Variants in PTPRD observed in about 807,000 individuals in gnomAD.
PTPRD encodes the protein protein tyrosine phosphatase receptor type D, also known as receptor-type tyrosine-protein phosphatase delta.
A neutral mutation model predicts 214.5 loss-of-function variants in PTPRD; 34 were observed. The observed-to-expected ratio is 0.16, with a 90% CI of 0.12 to 0.21. The LOEUF (loss-of-function observed/expected upper bound fraction) is 0.21, where lower values mean the gene tolerates loss of function less well. PTPRD is among the 10% of genes least tolerant of loss of function. The pLI is 1.00. For synonymous variants in PTPRD, 1,128 were observed against 845.7 expected, an observed-to-expected ratio of 1.33 and a Z score of -5.79; for missense variants, 2,545 against 2,398.7, an observed-to-expected ratio of 1.06 and a Z score of -1.27.
chr9:9,092,121 C>T (rs575015465), intron 10 of PTPRD, among the ~76,000 whole-genome samples: 26 of 152,280 alleles, frequency 1.7e-4, no homozygotes, highest in African/African-American at 5.5e-4. Flanking sequence ...ACACTAGGCT[C>T]ACTATTGTTA....
intron 10 of PTPRD, among the ~76,000 whole-genome samples, chr9:9,145,193 T>C (rs578141405): frequency 6.6e-6 from 1 of 152,332 alleles, no homozygotes; most frequent in Middle Eastern, 3.4e-3. Flanking sequence ...TGTGAATCAC[T>C]TTCTAATTTA....
chr9:8,888,752 G>A (rs1351580569), intron 11 of PTPRD, among the ~76,000 whole-genome samples: 1 of 152,202 alleles, frequency 6.6e-6, no homozygotes, highest in East Asian at 1.9e-4. Flanking sequence ...ACCGTCATGA[G>A]TGAGAAACAC....
chr9:9,310,100 T>C (rs974282905), intron 9 of PTPRD, among the ~76,000 whole-genome samples: 2 of 152,228 alleles, frequency 1.3e-5, no homozygotes, highest in African/African-American at 4.8e-5. Context: ...GAGGAGTCCC[T>C]GCAGATCTCA....
intron 14 of PTPRD, among the ~76,000 whole-genome samples, chr9:8,582,959 G>A (rs1253035925): frequency 6.6e-6 from 1 of 152,126 alleles, no homozygotes; most frequent in Admixed American, 6.5e-5. Flanking sequence ...GCTTGAAATT[G>A]GAAATAATTA....
At chr9:9,406,750 G>A (rs1361325991) in intron 8 of PTPRD, among the ~76,000 whole-genome samples, 2 of 151,530 alleles carry the variant, frequency 1.3e-5, no homozygotes, top group Non-Finnish European at 3.0e-5. Context: ...CTGTGGGGAA[G>A]GAGAATATTA....
At chr9:8,727,868 T>TA (rs1565605250) in intron 12 of PTPRD, among the ~76,000 whole-genome samples, 4 of 152,174 alleles carry the variant, frequency 2.6e-5, no homozygotes. Context: ...TCAAATACCA[T>TA]AAAGTTCTCC....
chr9:10,184,972 T>C (rs1428079328), intron 3 of PTPRD, among the ~76,000 whole-genome samples: 1 of 152,144 alleles, frequency 6.6e-6, no homozygotes, highest in Admixed American at 6.5e-5. Context: ...AAAGTGAAAA[T>C]CATTGCCACA....
chr9:9,628,204 A>C (rs10977890), intron 7 of PTPRD, among the ~76,000 whole-genome samples: 2 of 151,988 alleles, frequency 1.3e-5, no homozygotes, highest in Admixed American at 1.3e-4. Context: ...CTGTGGCCCC[A>C]GTTTGGTCTC....
chr9:10,196,059 T>G (rs2099396791), intron 3 of PTPRD, among the ~76,000 whole-genome samples: 2 of 152,182 alleles, frequency 1.3e-5, no homozygotes, highest in South Asian at 2.1e-4. Context: ...GATGAAAATA[T>G]TTCATAACTA....
intron 9 of PTPRD, among the ~76,000 whole-genome samples, chr9:9,324,356 T>G (rs2136162469): frequency 6.6e-6 from 1 of 152,256 alleles, no homozygotes; most frequent in Non-Finnish European, 1.5e-5. Context: ...CACCTGTTGT[T>G]TCTTGACTTT....
intron 4 of PTPRD, among the ~76,000 whole-genome samples, chr9:9,960,723 G>C (rs1041372271): frequency 1.3e-5 from 2 of 152,056 alleles, no homozygotes; most frequent in Non-Finnish European, 2.9e-5. Flanking sequence ...AATAAGGAAA[G>C]TCAGAAACTG....
At chr9:9,241,507 A>C (rs1213615775) in intron 9 of PTPRD, among the ~76,000 whole-genome samples, 1 of 152,104 alleles carries the variant, frequency 6.6e-6, no homozygotes, top group Non-Finnish European at 1.5e-5. Context: ...TAAACTTCAG[A>C]AAGGCAAGAA....
At position 10,330,625 on chromosome 9, in the gene PTPRD, C is replaced by T. The variant is rs569250380; in HGVS notation, c.-545+10338G>A. On this transcript the variant is annotated intron_variant, in intron 3 of 45. Transcript: ENST00000381196. ...AACTACATTTTCCATAAATTCATTC[C>T]CTAAATGGTTTGAAGTAAGATTTGG... 4.0e-5 allele frequency among the ~76,000 whole-genome samples: 6 copies of T among 151,426 alleles called. No homozygotes were observed. In the South Asian group the frequency reaches 8.3e-4, roughly 21 times the overall value.
intron 8 of PTPRD, among the ~76,000 whole-genome samples, chr9:9,482,364 T>G (rs763162964): frequency 6.6e-6 from 1 of 152,196 alleles, no homozygotes; most frequent in Non-Finnish European, 1.5e-5. Flanking sequence ...CAATATCTAG[T>G]CTTGTTTAAA....
chr9:10,538,803 T>C (rs925661249), intron 2 of PTPRD, among the ~76,000 whole-genome samples: 11 of 152,196 alleles, frequency 7.2e-5, no homozygotes, highest in Non-Finnish European at 1.0e-4. Flanking sequence ...GTTTTGAGTA[T>C]ACAGATCTTA....
At chr9:10,115,714 T>C (rs1005643482) in intron 3 of PTPRD, among the ~76,000 whole-genome samples, 1 of 152,120 alleles carries the variant, frequency 6.6e-6, no homozygotes, top group Admixed American at 6.6e-5. Context: ...TTTCCTTTTG[T>C]AAACTAAAAT....
chr9:10,244,517 A>T (rs866432511), intron 3 of PTPRD, among the ~76,000 whole-genome samples: 1 of 152,172 alleles, frequency 6.6e-6, no homozygotes, highest in East Asian at 1.9e-4. Flanking sequence ...TATAGTCAAA[A>T]CAAATTTCAT....
At chr9:10,360,928 C>T (rs1274533992) in intron 2 of PTPRD, among the ~76,000 whole-genome samples, 3 of 152,020 alleles carry the variant, frequency 2.0e-5, no homozygotes, top group Non-Finnish European at 4.4e-5. Flanking sequence ...CGATGAAACC[C>T]CGTCTCTACT....
intron 12 of PTPRD, among the ~76,000 whole-genome samples, chr9:8,672,380 T>C (rs2097304457): frequency 6.6e-6 from 1 of 152,154 alleles, no homozygotes; most frequent in Non-Finnish European, 1.5e-5. Context: ...CAAAAGAATT[T>C]GACACTACAC....
Sources: allele counts gnomAD v4.1 joint callset (sites outside exome capture counted in the v4.1 genomes callset), GRCh38; gene constraint gnomAD v4.1.1; transcripts MANE v1.5; gene names NCBI Gene and HGNC (gene_info 2026-07-23, HGNC 2026-07-21).